The following SPAG16 variants were observed in gnomAD, a reference collection of about 807,000 sequenced individuals.
The protein encoded by SPAG16 is sperm associated antigen 16, also known as sperm-associated antigen 16 protein.
SPAG16 carries 86 observed loss-of-function variants against 80.4 expected under a neutral mutation model. The observed-to-expected ratio is 1.07, with a 90% confidence interval of 0.90 to 1.28. The LOEUF is 1.28. SPAG16 is among the 50% of genes most tolerant of loss of function. SPAG16 has a pLI of 0.00. For missense variants in SPAG16, 870 were observed against 765.3 expected (o/e 1.14, Z -1.61); for synonymous variants, 294 against 265.9 (o/e 1.11, Z -1.03).
intron 10 of SPAG16, among the ~76,000 whole-genome samples, chr2:213,854,940 G>A (rs1383073885): frequency 1.3e-5 from 2 of 152,232 alleles, no homozygotes; most frequent in African/African-American, 4.8e-5. Context: ...TTTTGTCTAT[G>A]TCTGCTTTCA....
chr2:214,007,432 CAA>C (rs541194852), intron 12 of SPAG16, among the ~76,000 whole-genome samples: 3 of 133,362 alleles, frequency 2.2e-5, no homozygotes, highest in East Asian at 4.3e-4. Context: ...TCTATCTCTA[CAA>C]AAAAAAAAAA....
At chr2:213,720,346 G>A (rs2066458459) in intron 10 of SPAG16, among the ~76,000 whole-genome samples, 1 of 151,768 alleles carries the variant, frequency 6.6e-6, no homozygotes, top group Non-Finnish European at 1.5e-5. Flanking sequence ...AAAAAAAATA[G>A]GCCAGGCGCA....
chr2:213,775,267 T>C (rs2069503133), intron 10 of SPAG16, among the ~76,000 whole-genome samples: 1 of 152,226 alleles, frequency 6.6e-6, no homozygotes, highest in Admixed American at 6.5e-5. Context: ...TGTATTTCTT[T>C]GTAATTGAAG....
At chr2:213,363,618 AAT>A (rs2066117387) in intron 7 of SPAG16, among the ~76,000 whole-genome samples, 2 of 152,084 alleles carry the variant, frequency 1.3e-5, no homozygotes, top group Admixed American at 1.3e-4. Context: ...TAAAATAGAG[AAT>A]ATATGTGGGT....
chr2:214,274,699 CA>C (rs1692312793), intron 15 of SPAG16, among the ~76,000 whole-genome samples: 2 of 152,002 alleles, frequency 1.3e-5, no homozygotes, highest in African/African-American at 4.8e-5. Flanking sequence ...TTAAGATTGC[CA>C]GTATTTTATT....
chr2:213,960,192 T>C (rs1453405298), intron 12 of SPAG16, among the ~76,000 whole-genome samples: 1 of 152,214 alleles, frequency 6.6e-6, no homozygotes, highest in African/African-American at 2.4e-5. Context: ...TCAGTTGTTA[T>C]ATGTTTCAGC....
At chr2:213,961,054 ATTATG>A (rs1270935787) in intron 12 of SPAG16, among the ~76,000 whole-genome samples, 1 of 152,160 alleles carries the variant, frequency 6.6e-6, no homozygotes, top group East Asian at 1.9e-4. Context: ...GGTAGCTACT[ATTATG>A]TTAAGAGCCG....
chr2:213,302,384 G>C (rs978380100), intron 3 of SPAG16: 1 of 152,092 alleles, frequency 6.6e-6, no homozygotes, highest in Non-Finnish European at 1.5e-5. Context: ...GATATCTGTG[G>C]ATACCTGAGT....
At chr2:214,385,621 A>G (rs2126116491) in intron 15 of SPAG16, among the ~76,000 whole-genome samples, 1 of 152,344 alleles carries the variant, frequency 6.6e-6, no homozygotes, top group Non-Finnish European at 1.5e-5. Context: ...AGGCAGGTGG[A>G]TCACATGACG....
chr2:214,379,540 A>G, intron 15 of SPAG16, among the ~76,000 whole-genome samples: 1 of 152,220 alleles, frequency 6.6e-6, no homozygotes, highest in East Asian at 1.9e-4. Context: ...CTTAAGGCTT[A>G]TTCCAGAACT....
At chr2:213,309,917 A>G (rs2063113511) in intron 3 of SPAG16, 142 bp from the exon 4 acceptor site, 1 of 557,468 alleles carries the variant, frequency 1.8e-6, no homozygotes, top group East Asian at 3.1e-5. Context: ...TAATTAAAAT[A>G]TTAATGGTTC....
chr2:213,869,403 A>T (rs1214079651), intron 11 of SPAG16, among the ~76,000 whole-genome samples: 1 of 150,042 alleles, frequency 6.7e-6, no homozygotes, highest in Non-Finnish European at 1.5e-5. Context: ...ACAGATATTG[A>T]TATACTGTCT....
intron 10 of SPAG16, among the ~76,000 whole-genome samples, chr2:213,620,543 C>T (rs776180157): frequency 2.0e-5 from 3 of 152,030 alleles, no homozygotes; most frequent in Non-Finnish European, 2.9e-5. Flanking sequence ...CCACCTGTCT[C>T]AGCCTCCTAA....
intron 15 of SPAG16, among the ~76,000 whole-genome samples, chr2:214,401,343 T>C (rs1430708975): frequency 2.0e-5 from 3 of 151,988 alleles, no homozygotes; most frequent in Non-Finnish European, 4.4e-5. Flanking sequence ...ATTTAGAGAA[T>C]TGCTTCAAAT....
intron 15 of SPAG16, among the ~76,000 whole-genome samples, chr2:214,281,669 CTATCA>C (rs1692949998): frequency 6.6e-6 from 1 of 152,142 alleles, no homozygotes; most frequent in Admixed American, 6.5e-5. Flanking sequence ...ATATACCTAC[CTATCA>C]TATGACTCAG....
intron 15 of SPAG16, among the ~76,000 whole-genome samples, chr2:214,248,284 CTTATATTA>C (rs1423782245): frequency 7.5e-6 from 1 of 134,106 alleles, no homozygotes; most frequent in Non-Finnish European, 1.6e-5. Flanking sequence ...GGGTACTATT[CTTATATTA>C]TTATTATTAT....
chr2:214,390,546 C>T (rs1048323682), intron 15 of SPAG16, among the ~76,000 whole-genome samples: 1 of 152,002 alleles, frequency 6.6e-6, no homozygotes, highest in African/African-American at 2.4e-5. Flanking sequence ...AATCCAAATG[C>T]TGAATTAAAT....
intron 10 of SPAG16, among the ~76,000 whole-genome samples, chr2:213,692,656 A>G (rs999169459): frequency 6.6e-6 from 1 of 152,062 alleles, no homozygotes; most frequent in African/African-American, 2.4e-5. Flanking sequence ...TAAAAATACA[A>G]AAAATTAGCC....
chr2:213,440,185 A>G (rs751757404), intron 9 of SPAG16, among the ~76,000 whole-genome samples: 1 of 152,200 alleles, frequency 6.6e-6, no homozygotes, highest in Non-Finnish European at 1.5e-5. Flanking sequence ...TATCAACTCA[A>G]AGAAGCACAA....
Sources: gnomAD v4.1 joint callset for allele counts (sites outside exome capture counted in the v4.1 genomes callset) on GRCh38, gnomAD v4.1.1 for gene constraint, MANE v1.5 for transcripts, NCBI Gene and HGNC (gene_info 2026-07-23, HGNC 2026-07-21) for gene names.